Variants in GABRA3 observed in about 807,000 individuals in gnomAD.
The protein encoded by GABRA3 is gamma-aminobutyric acid receptor subunit alpha-3.
Under a neutral mutation model 30.1 loss-of-function variants are expected in GABRA3, and 10 were observed. The observed-to-expected ratio is 0.33, with a 90% CI of 0.20 to 0.56. GABRA3 has a LOEUF of 0.56. Among genes scored for constraint, GABRA3 ranks in the 20% least tolerant of loss-of-function variants. The probability of loss-of-function intolerance (pLI) is 0.89; values close to 1 mark genes in which losing one functional copy is unlikely to be tolerated. For missense variants in GABRA3, 233 were observed against 392.0 expected, an observed-to-expected ratio of 0.59 and a Z score of 3.42; for synonymous variants, 151 against 146.8, an observed-to-expected ratio of 1.03 and a Z score of -0.21.
chrX:152,380,891 G>A (rs182309145), intron 1 of GABRA3, among the ~76,000 whole-genome samples: 5 of 111,691 alleles, frequency 4.5e-5, no homozygotes, highest in African/African-American at 1.3e-4. Flanking sequence ...TTGGGAGGTG[G>A]GGTCTAGTGA....
intron 2 of GABRA3, among the ~76,000 whole-genome samples, chrX:152,351,476 C>T (rs1940477898): frequency 8.9e-6 from 1 of 111,916 alleles, no homozygotes; most frequent in African/African-American, 3.2e-5. Flanking sequence ...TTTTCTGCAG[C>T]TTCTTTATCT....
chrX:152,446,465 A>G (rs1931089863), intron 1 of GABRA3, among the ~76,000 whole-genome samples: 1 of 110,122 alleles, frequency 9.1e-6, no homozygotes, highest in Admixed American at 9.6e-5. Context: ...GCACCTTCAT[A>G]ACACTGTACT....
chrX:152,288,639 C>T (rs2124441965), intron 3 of GABRA3, among the ~76,000 whole-genome samples: 1 of 111,975 alleles, frequency 8.9e-6, no homozygotes, highest in East Asian at 2.8e-4. Context: ...ACTTCAGCTC[C>T]TCTATGTGAA....
In GABRA3 at chrX:152,404,975, C is replaced by T. The variant is rs1037871733; in HGVS notation, c.-26-40379G>A. The stretch of plus-strand genomic sequence containing the variant: ...GAACACTGAATTGAACAACTATCCA[C>T]GCAAGAAAGCAACTTTATAGGAAAA... On this transcript the variant is annotated intron_variant, in intron 1 of 9. Transcript: ENST00000370314. Among the ~76,000 whole-genome samples the T allele has an allele frequency of 1.9e-4, 21 of 108,525 alleles. 2 individuals carry two copies. The highest frequency in any genetic ancestry group is 3.6e-4 in the Non-Finnish European group (19 of 52,460). The allele number at this position is 108,525 out of a possible 115,157, so 94.2% of individuals were successfully genotyped here. A position where few individuals can be genotyped will look rare whatever the true frequency, so the allele number is the denominator to read the frequency against.
intron 1 of GABRA3, among the ~76,000 whole-genome samples, chrX:152,412,370 T>A (rs1206658384): frequency 8.9e-6 from 1 of 111,746 alleles, no homozygotes; most frequent in African/African-American, 3.2e-5. Flanking sequence ...AAATTGTACA[T>A]GAATGTCATA....
chrX:152,383,183 G>A (rs1929191950), intron 1 of GABRA3, among the ~76,000 whole-genome samples: 1 of 108,240 alleles, frequency 9.2e-6, no homozygotes, highest in African/African-American at 3.4e-5. Context: ...TCAGGAGATC[G>A]AGACCATCCT....
chrX:152,224,324 C>T (rs1937896660), intron 6 of GABRA3, among the ~76,000 whole-genome samples: 1 of 111,908 alleles, frequency 8.9e-6, no homozygotes, highest in African/African-American at 3.2e-5. Context: ...CTCTTCCTGC[C>T]TATCACACAC....
intron 1 of GABRA3, among the ~76,000 whole-genome samples, chrX:152,375,895 C>G (rs954230638): frequency 9.0e-6 from 1 of 111,384 alleles, no homozygotes; most frequent in Non-Finnish European, 1.9e-5. Context: ...TCAGAAGAGA[C>G]AAACCACCCA....
chrX:152,417,399 A>G (rs1930255065), intron 1 of GABRA3, among the ~76,000 whole-genome samples: 1 of 110,347 alleles, frequency 9.1e-6, no homozygotes, highest in Admixed American at 9.7e-5. Context: ...GGATGTGGAG[A>G]AATAGGAACA....
chrX:152,405,591 A>G (rs1373628677), intron 1 of GABRA3, among the ~76,000 whole-genome samples: 1 of 110,368 alleles, frequency 9.1e-6, no homozygotes, highest in Non-Finnish European at 1.9e-5. Flanking sequence ...GAGAGAGAAG[A>G]GTACAGAGGA....
chrX:152,176,835 T>C (rs1937081262), intron 9 of GABRA3, among the ~76,000 whole-genome samples: 1 of 111,416 alleles, frequency 9.0e-6, no homozygotes, highest in Non-Finnish European at 1.9e-5. Flanking sequence ...TGTCTTGGGA[T>C]TGAATGAGGT....
intron 5 of GABRA3, among the ~76,000 whole-genome samples, chrX:152,252,321 T>C (rs1938570003): frequency 9.0e-6 from 1 of 111,585 alleles, no homozygotes; most frequent in African/African-American, 3.3e-5. Context: ...ATTACATCTC[T>C]TTTTATAGCC....
intron 1 of GABRA3, among the ~76,000 whole-genome samples, chrX:152,444,734 G>GTTTTTTTTTTGTTTT (rs1931023216): frequency 2.5e-5 from 1 of 40,389 alleles, no homozygotes; most frequent in African/African-American, 7.4e-5. Flanking sequence ...ATACTTGTGT[G>GTTTTTTTTTTGTTTT]TTTTTTTTTT....
At position 152,167,045 on chromosome X, in the gene GABRA3, A is replaced by T. The variant is rs1436438051; in HGVS notation, c.*1183T>A. 1 of 112,104 alleles carries T rather than the reference A, an allele frequency of 8.9e-6. No individual in the cohort carries two copies. The highest frequency in any genetic ancestry group is 1.9e-5 in the Non-Finnish European group (1 of 53,289). The allele number at this position is 112,104 out of a possible 1,213,427, so 9.2% of individuals were successfully genotyped here. The stretch of plus-strand genomic sequence containing the variant: ...ATATTATAAAATTGGCAATAAAGTT[A>T]ATGATCTAGTTGACTCAATATTGAC... On this transcript the variant is annotated 3_prime_UTR_variant, in exon 10 of 10. Coordinates refer to ENST00000370314, the MANE Select transcript of GABRA3 (RefSeq NM_000808.4).
intron 7 of GABRA3, among the ~76,000 whole-genome samples, chrX:152,200,039 A>G (rs1026985413): frequency 8.9e-6 from 1 of 111,841 alleles, no homozygotes; most frequent in African/African-American, 3.3e-5. Flanking sequence ...ACTCCTCTTC[A>G]ATGCATTCAT....
At chrX:152,236,213 C>A (rs1261688834) in intron 5 of GABRA3, among the ~76,000 whole-genome samples, 1 of 97,951 alleles carries the variant, frequency 1.0e-5, no homozygotes, top group Non-Finnish European at 2.0e-5. Flanking sequence ...TCTCATTGTT[C>A]AATTCCCACA....
intron 6 of GABRA3, among the ~76,000 whole-genome samples, chrX:152,214,291 T>C (rs1210280736): frequency 1.8e-5 from 2 of 111,525 alleles, no homozygotes; most frequent in African/African-American, 6.5e-5. Flanking sequence ...TGTCTGTGTA[T>C]GTGTTTGTAA....
chrX:152,416,865 A>G (rs1930238076), intron 1 of GABRA3, among the ~76,000 whole-genome samples: 2 of 107,009 alleles, frequency 1.9e-5, no homozygotes, highest in Admixed American at 2.0e-4. Context: ...ACCTTATACA[A>G]AAATCAATTC....
At chrX:152,256,510 A>G (rs1042322403) in intron 4 of GABRA3, among the ~76,000 whole-genome samples, 2 of 112,098 alleles carry the variant, frequency 1.8e-5, no homozygotes, top group Non-Finnish European at 3.8e-5. Flanking sequence ...AATATTATAG[A>G]TAAATAAGAT....
Sources: allele counts gnomAD v4.1 joint callset (sites outside exome capture counted in the v4.1 genomes callset), GRCh38; gene constraint gnomAD v4.1.1; transcripts MANE v1.5; gene names NCBI Gene and HGNC (gene_info 2026-07-23, HGNC 2026-07-21).